MED12L: variants seen among roughly 807,000 people sequenced by gnomAD.
MED12L encodes mediator complex subunit 12L, also known as mediator of RNA polymerase II transcription subunit 12-like protein.
A neutral mutation model predicts 281.3 loss-of-function variants in MED12L; 60 were observed. The observed-to-expected ratio is 0.21, with a 90% CI of 0.17 to 0.26. The LOEUF (loss-of-function observed/expected upper bound fraction) is 0.26, where lower values mean the gene tolerates loss of function less well. Ranked by LOEUF, MED12L falls within the 10% of genes least tolerant of loss-of-function variation. MED12L has a pLI of 1.00. For missense variants in MED12L, 2,146 were observed against 2,680.9 expected, an observed-to-expected ratio of 0.80 and a Z score of 4.41; for synonymous variants, 974 against 987.2, an observed-to-expected ratio of 0.99 and a Z score of 0.25.
chr3:151,174,733 T>C (rs1721831877), intron 11 of MED12L, among the ~76,000 whole-genome samples: 3 of 152,238 alleles, frequency 2.0e-5, no homozygotes, highest in Admixed American at 2.0e-4. Context: ...ATTTTTCTTG[T>C]AAGAGACAGG....
At position 151,213,640 on chromosome 3, in the gene MED12L, G is replaced by A. The variant is rs779580436; in HGVS notation, c.2250+19974G>A. 45 of 1,613,976 alleles carry A rather than the reference G, an allele frequency of 2.8e-5. No individual in the cohort carries two copies. In the Middle Eastern group the frequency reaches 2.3e-3, roughly 83 times the overall value. ...GTTGCGGCTAGATTTCTTTTTGACCGAAGTGGAATTCCGACTTGACTTAAG... is the reference window on the plus strand; with the variant it reads ...GTTGCGGCTAGATTTCTTTTTGACCAAAGTGGAATTCCGACTTGACTTAAG... On this transcript the variant is annotated intron_variant, in intron 16 of 44. Transcript: ENST00000687756.
intron 16 of MED12L, among the ~76,000 whole-genome samples, chr3:151,293,139 G>A (rs1395645852): frequency 6.6e-6 from 1 of 152,162 alleles, no homozygotes; most frequent in Non-Finnish European, 1.5e-5. Flanking sequence ...GACACTTAGA[G>A]TAAGATTCTT....
chr3:151,100,319 CTTG>C (rs1386888762), intron 2 of MED12L, among the ~76,000 whole-genome samples: 1 of 152,204 alleles, frequency 6.6e-6, no homozygotes, highest in Non-Finnish European at 1.5e-5. Context: ...CAACTGCCTC[CTTG>C]TTGTCAATTA....
At chr3:151,313,543 A>T (rs1212060233) in intron 16 of MED12L, among the ~76,000 whole-genome samples, 3 of 74,670 alleles carry the variant, frequency 4.0e-5, no homozygotes, top group African/African-American at 1.2e-4. Context: ...TGTCTGAGTT[A>T]AAAAAAAAAA....
intron 16 of MED12L, among the ~76,000 whole-genome samples, chr3:151,339,050 TGAAGA>T (rs1223394209): frequency 6.6e-6 from 1 of 152,182 alleles, no homozygotes; most frequent in African/African-American, 2.4e-5. Flanking sequence ...GCATCTCTGC[TGAAGA>T]GAAATGATCT....
intron 16 of MED12L, chr3:151,212,128 C>G (rs147443940): frequency 2.8e-4 from 43 of 152,250 alleles, no homozygotes; most frequent in African/African-American, 9.9e-4. Context: ...AGTATTAAAA[C>G]ATTTCTTTAT....
intron 39 of MED12L, among the ~76,000 whole-genome samples, chr3:151,401,118 G>A (rs1017900845): frequency 6.6e-6 from 1 of 152,044 alleles, no homozygotes; most frequent in African/African-American, 2.4e-5. Flanking sequence ...GTTCTCACAC[G>A]TGTTGTATTA....
At chr3:151,399,262 A>G (rs776223698) in intron 39 of MED12L, among the ~76,000 whole-genome samples, 1 of 152,250 alleles carries the variant, frequency 6.6e-6, no homozygotes, top group East Asian at 1.9e-4. Context: ...TAAGTGCTCA[A>G]AAAGTGTTAG....
chr3:151,413,072 T>C, intron 41 of MED12L, 67 bp from the exon 42 acceptor site: 2 of 1,539,836 alleles, frequency 1.3e-6, no homozygotes, highest in Non-Finnish European at 1.8e-6. Context: ...TGTCATGTGC[T>C]GGTAGCACTG....
rs1720235789 is a variant in MED12L at position 151,436,480 on chromosome 3, AGTT to A, written c.*3677_*3679del. ...TTGTTGGCAAAATAAAAGTGCCTTA[AGTT>A]AAAAGTTTGTTTTGAGATCCATTAA... is the stretch of plus-strand genomic sequence containing the variant. On this transcript the variant is annotated 3_prime_UTR_variant, in exon 45 of 45. Coordinates refer to ENST00000687756, the MANE Select transcript of MED12L (RefSeq NM_001393769.1). The A allele has an allele frequency of 2.3e-6, 1 of 433,440 alleles. No homozygotes were observed. The highest frequency in any genetic ancestry group is 4.0e-5 in the East Asian group (1 of 25,202). The allele number at this position is 433,440 out of a possible 1,614,324, so 26.8% of individuals were successfully genotyped here.
At chr3:151,396,211 CT>C (rs1310355625) in intron 39 of MED12L, among the ~76,000 whole-genome samples, 1 of 123,848 alleles carries the variant, frequency 8.1e-6, no homozygotes, top group Non-Finnish European at 1.8e-5. Context: ...GGATTTTTAG[CT>C]CTTTTTTGGG....
chr3:151,146,610 C>T (rs1222996174), intron 5 of MED12L, among the ~76,000 whole-genome samples: 2 of 152,050 alleles, frequency 1.3e-5, no homozygotes, highest in African/African-American at 2.4e-5. Flanking sequence ...TGTCATTGCA[C>T]AATAATTAAA....
intron 16 of MED12L, among the ~76,000 whole-genome samples, chr3:151,272,224 A>C (rs1026910265): frequency 4.6e-5 from 7 of 152,244 alleles, no homozygotes; most frequent in African/African-American, 1.7e-4. Context: ...TTGAAGATGC[A>C]AAGAGGTAAA....
At chr3:151,346,268 A>G (rs1752525234) in intron 16 of MED12L, among the ~76,000 whole-genome samples, 1 of 152,024 alleles carries the variant, frequency 6.6e-6, no homozygotes, top group Admixed American at 6.6e-5. Flanking sequence ...TATATCCTTT[A>G]TCATCAGTTA....
intron 20 of MED12L, 103 bp from the exon 21 acceptor site, chr3:151,360,371 T>C (rs974034298): frequency 5.1e-5 from 55 of 1,077,100 alleles, no homozygotes; most frequent in Non-Finnish European, 6.8e-6. Flanking sequence ...TCCAATATCC[T>C]TTTTCTTACC....
intron 15 of MED12L, 22 bp downstream of exon 15, chr3:151,192,676 T>TA: frequency 7.1e-7 from 1 of 1,409,024 alleles, no homozygotes; most frequent in African/African-American, 1.4e-5. Flanking sequence ...CTTTGATTCT[T>TA]ATTGACAATT....
chr3:151,177,369 G>A (rs148388238), intron 11 of MED12L, among the ~76,000 whole-genome samples: 4 of 152,332 alleles, frequency 2.6e-5, no homozygotes, highest in East Asian at 3.9e-4. Context: ...GGACAGCCTA[G>A]TGCTGTTTTC....
intron 16 of MED12L, among the ~76,000 whole-genome samples, chr3:151,271,592 G>C (rs957534751): frequency 6.6e-6 from 1 of 152,128 alleles, no homozygotes; most frequent in Non-Finnish European, 1.5e-5. Flanking sequence ...CCAAAAGTTG[G>C]GAACAACCCA....
At chr3:151,132,674 T>G (rs1191012453) in intron 5 of MED12L, among the ~76,000 whole-genome samples, 2 of 152,260 alleles carry the variant, frequency 1.3e-5, no homozygotes, top group Non-Finnish European at 2.9e-5. Context: ...TACAGTTCCT[T>G]TCTCTATATT....
Sources: allele counts gnomAD v4.1 joint callset (sites outside exome capture counted in the v4.1 genomes callset), GRCh38; gene constraint gnomAD v4.1.1; transcripts MANE v1.5; gene names NCBI Gene and HGNC (gene_info 2026-07-23, HGNC 2026-07-21).